Variants in DPP6 observed in about 807,000 individuals in gnomAD.
DPP6 encodes A-type potassium channel modulatory protein DPP6.
A neutral mutation model predicts 122.6 loss-of-function variants in DPP6; 69 were observed. The observed-to-expected ratio is 0.56, with a 90% CI of 0.46 to 0.69. DPP6 has a LOEUF of 0.69. DPP6 is among the 30% of genes least tolerant of loss of function. The pLI is 0.00. For synonymous variants in DPP6, 418 were observed against 433.1 expected, an observed-to-expected ratio of 0.97 and a Z score of 0.43; for missense variants, 928 against 1,116.9, an observed-to-expected ratio of 0.83 and a Z score of 2.41.
At chr7:154,625,085 A>G (rs941418432) in intron 5 of DPP6, among the ~76,000 whole-genome samples, 93 of 152,232 alleles carry the variant, frequency 6.1e-4, no homozygotes, top group Admixed American at 5.7e-3. Flanking sequence ...GGAGAAAACA[A>G]TGAGTCAGAA....
At chr7:154,817,712 T>G (rs10225459) in intron 16 of DPP6, among the ~76,000 whole-genome samples, 1 of 152,020 alleles carries the variant, frequency 6.6e-6, no homozygotes, top group African/African-American at 2.4e-5. Flanking sequence ...TCATGAGTGA[T>G]TGATGCCATG....
At chr7:154,243,077 A>G (rs55977293) in intron 1 of DPP6, among the ~76,000 whole-genome samples, 7,964 of 152,282 alleles carry the variant, frequency 0.052, 686 homozygotes, top group African/African-American at 0.18. Context: ...CATGTCCATG[A>G]AAGGAAAGAC....
chr7:153,914,313 A>G (rs1464622332), intron 1 of DPP6, among the ~76,000 whole-genome samples: 1 of 152,132 alleles, frequency 6.6e-6, no homozygotes, highest in Non-Finnish European at 1.5e-5. Flanking sequence ...CTTTTTCTGT[A>G]TAATTACCCC....
chr7:154,718,557 C>T (rs996251555), intron 7 of DPP6, among the ~76,000 whole-genome samples: 1 of 151,896 alleles, frequency 6.6e-6, no homozygotes, highest in African/African-American at 2.4e-5. Flanking sequence ...CCACACCCCC[C>T]CCAACTTTAG....
intron 1 of DPP6, among the ~76,000 whole-genome samples, chr7:154,187,475 T>C (rs1462616023): frequency 6.6e-6 from 1 of 152,212 alleles, no homozygotes; most frequent in South Asian, 2.1e-4. Flanking sequence ...AGCCATTTAA[T>C]TCCACAAATG....
At chr7:154,761,159 G>C (rs1368081028) in intron 8 of DPP6, among the ~76,000 whole-genome samples, 2 of 152,124 alleles carry the variant, frequency 1.3e-5, no homozygotes, top group African/African-American at 2.4e-5. Flanking sequence ...AACTAAATTT[G>C]AGCTCAGCGA....
chr7:154,248,723 G>T (rs773696795), intron 1 of DPP6, among the ~76,000 whole-genome samples: 5 of 152,094 alleles, frequency 3.3e-5, no homozygotes, highest in Non-Finnish European at 7.4e-5. Context: ...AAAGCTAGCC[G>T]GATGTGGTGG....
rs563323033 is a variant in DPP6 at position 154,376,149 on chromosome 7, G to A, written c.244-70065G>A. On this transcript the variant is annotated intron_variant, in intron 1 of 25. Transcript: ENST00000377770. The stretch of plus-strand genomic sequence containing the variant: ...TACTTTCAAGAATCTGCAGCATTGG[G>A]TAATTTGCTGGCCATGTGGAGATTC... Among the ~76,000 whole-genome samples the A allele has an allele frequency of 4.6e-5, 7 of 152,326 alleles. No individual in the cohort carries two copies. The East Asian group carries it at 1.2e-3, about 25-fold the overall frequency.
intron 1 of DPP6, among the ~76,000 whole-genome samples, chr7:154,364,940 G>A (rs746840693): frequency 2.6e-5 from 4 of 152,152 alleles, no homozygotes; most frequent in Non-Finnish European, 4.4e-5. Flanking sequence ...CATAGGATAA[G>A]CTTCTTTCTA....
chr7:153,853,428 G>T, the DPP6 span, among the ~76,000 whole-genome samples: 3 of 152,162 alleles, frequency 2.0e-5, no homozygotes, highest in African/African-American at 7.2e-5. Flanking sequence ...GCTATAATGT[G>T]TTTGGTTTAC....
chr7:153,838,288 C>G, the DPP6 span, among the ~76,000 whole-genome samples: 2 of 152,008 alleles, frequency 1.3e-5, no homozygotes, highest in Non-Finnish European at 2.9e-5. Flanking sequence ...AGCCACAAAC[C>G]CAGTGGAAGG....
intron 1 of DPP6, among the ~76,000 whole-genome samples, chr7:154,324,336 G>A (rs931179903): frequency 6.6e-5 from 10 of 152,176 alleles, no homozygotes; most frequent in African/African-American, 1.2e-4. Context: ...TTGCTTGTGC[G>A]CTCCCCCCTT....
intron 1 of DPP6, among the ~76,000 whole-genome samples, chr7:154,113,577 C>A (rs71537037): frequency 6.6e-6 from 1 of 152,002 alleles, no homozygotes; most frequent in Non-Finnish European, 1.5e-5. Flanking sequence ...TGGCCATTTG[C>A]ATGTTTTAGT....
At chr7:154,720,379 C>T (rs1042861048) in intron 7 of DPP6, among the ~76,000 whole-genome samples, 18 of 152,344 alleles carry the variant, frequency 1.2e-4, no homozygotes, top group African/African-American at 4.3e-4. Flanking sequence ...GATAGTCACA[C>T]ATGAGGACCA....
chr7:154,683,115 A>G (rs958566898), intron 7 of DPP6, among the ~76,000 whole-genome samples: 1 of 152,166 alleles, frequency 6.6e-6, no homozygotes, highest in African/African-American at 2.4e-5. Flanking sequence ...GAATGGTTTT[A>G]GTTTTCCCTT....
chr7:154,266,378 C>G (rs1483709385), intron 1 of DPP6, among the ~76,000 whole-genome samples: 1 of 152,096 alleles, frequency 6.6e-6, no homozygotes, highest in Non-Finnish European at 1.5e-5. Flanking sequence ...CTCAGGTGAT[C>G]CGCCAGCCTT....
At chr7:153,885,619 C>T (rs1317268291), upstream of DPP6, among the ~76,000 whole-genome samples, 2 of 152,138 alleles carry the variant, frequency 1.3e-5, no homozygotes, top group East Asian at 3.9e-4. Context: ...TTGTTTATAA[C>T]CCACGCATTT....
chr7:154,108,744 C>T (rs754104780), intron 1 of DPP6, among the ~76,000 whole-genome samples: 1 of 152,180 alleles, frequency 6.6e-6, no homozygotes, highest in Non-Finnish European at 1.5e-5. Context: ...AGCAAGCCAG[C>T]AATGTGTGGT....
chr7:154,730,633 G>A (rs1209238248), intron 8 of DPP6, among the ~76,000 whole-genome samples: 1 of 152,208 alleles, frequency 6.6e-6, no homozygotes, highest in Non-Finnish European at 1.5e-5. Context: ...TCAAGGCAAT[G>A]TTACCCAGGT....
Sources: allele counts gnomAD v4.1 joint callset (sites outside exome capture counted in the v4.1 genomes callset), GRCh38; gene constraint gnomAD v4.1.1; transcripts MANE v1.5; gene names NCBI Gene and HGNC (gene_info 2026-07-23, HGNC 2026-07-21).